The following DEPTOR variants were observed in gnomAD, a reference collection of about 807,000 sequenced individuals.
DEPTOR encodes DEP domain-containing mTOR-interacting protein.
In DEPTOR, 41 loss-of-function variants were observed where a neutral mutation model predicts 41.6. That is an observed-to-expected ratio of 0.98 (90% confidence interval 0.77 to 1.28). The LOEUF is 1.28. Among genes scored for constraint, DEPTOR ranks in the 50% most tolerant of loss-of-function variants. DEPTOR has a pLI of 0.00. For synonymous variants in DEPTOR, 195 were observed against 192.3 expected, an observed-to-expected ratio of 1.01 and a Z score of -0.12; for missense variants, 514 against 527.9, an observed-to-expected ratio of 0.97 and a Z score of 0.26.
chr8:119,950,065 T>C (rs1260676806), intron 3 of DEPTOR, among the ~76,000 whole-genome samples: 3 of 152,204 alleles, frequency 2.0e-5, no homozygotes, highest in Non-Finnish European at 4.4e-5. Flanking sequence ...AGTATGAGGT[T>C]AAGGATCCAA....
intron 1 of DEPTOR, among the ~76,000 whole-genome samples, chr8:119,916,942 AT>A (rs1298506896): frequency 1.3e-5 from 2 of 152,094 alleles, no homozygotes; most frequent in African/African-American, 2.4e-5. Flanking sequence ...TAATTTTTAA[AT>A]TTTTGTTGCT....
chr8:119,879,110 C>CAAA (rs34236042), intron 1 of DEPTOR, among the ~76,000 whole-genome samples: 1,628 of 147,358 alleles, frequency 0.011, 29 homozygotes, highest in African/African-American at 0.038. Context: ...AACTCGGTCT[C>CAAA]AAAAAAAAAA....
At chr8:120,024,131 G>A (rs957363040) in intron 8 of DEPTOR, among the ~76,000 whole-genome samples, 1 of 152,114 alleles carries the variant, frequency 6.6e-6, no homozygotes, top group African/African-American at 2.4e-5. Context: ...CAGCTACTTG[G>A]AAGACTGAGG....
chr8:119,947,551 G>A (rs1286576870), intron 3 of DEPTOR, among the ~76,000 whole-genome samples: 1 of 152,092 alleles, frequency 6.6e-6, no homozygotes, highest in African/African-American at 2.4e-5. Flanking sequence ...TAGCCAGTGG[G>A]TGAAATCATT....
Position 120,015,324 on chromosome 8 carries a change from T to C in DEPTOR, c.1101+6191T>C, listed in dbSNP as rs147940467. ...TGTTAATTTTTCAGAGAAACCTTCCTTGAATACCCTGTGATATTCCTCCCG... is the reference window on the plus strand; with the variant it reads ...TGTTAATTTTTCAGAGAAACCTTCCCTGAATACCCTGTGATATTCCTCCCG... On this transcript the variant is annotated intron_variant, in intron 8 of 8. Transcript: ENST00000286234. Among the ~76,000 whole-genome samples, 159 of 152,380 alleles carry C rather than the reference T, an allele frequency of 1.0e-3. 2 individuals carry two copies. The highest frequency in any genetic ancestry group is 3.6e-3 in the African/African-American group (150 of 41,586).
chr8:119,930,426 A>G (rs1469340430), intron 3 of DEPTOR, among the ~76,000 whole-genome samples: 2 of 152,166 alleles, frequency 1.3e-5, no homozygotes, highest in Non-Finnish European at 2.9e-5. Flanking sequence ...TAGTAGAGAC[A>G]GGGTTTCACC....
rs531827980 is a variant in DEPTOR at position 120,038,516 on chromosome 8, T to A, written c.1102-11060T>A. On this transcript the variant is annotated intron_variant, in intron 8 of 8. Transcript: ENST00000286234. ...TGAGGTGGGAGGATATAGCTTGAACTTGGGAGGCAGAGGTTTCAGTGAGCC... is the reference window on the plus strand; with the variant it reads ...TGAGGTGGGAGGATATAGCTTGAACATGGGAGGCAGAGGTTTCAGTGAGCC... Among the ~76,000 whole-genome samples, 8 of 150,090 alleles carry A rather than the reference T, an allele frequency of 5.3e-5. No individual in the cohort carries two copies. In the South Asian group the frequency reaches 1.7e-3, roughly 31 times the overall value.
At chr8:119,929,984 G>A (rs1248451302) in intron 3 of DEPTOR, 46 bp downstream of exon 3, 5 of 1,585,660 alleles carry the variant, frequency 3.2e-6, no homozygotes, top group Admixed American at 1.7e-5. Flanking sequence ...CTTATAGAAA[G>A]AAGCAGAACT....
intron 3 of DEPTOR, among the ~76,000 whole-genome samples, chr8:119,955,007 C>T (rs1375384716): frequency 6.6e-6 from 1 of 151,854 alleles, no homozygotes; most frequent in African/African-American, 2.4e-5. Context: ...TACAGGTGCC[C>T]GCCACCACAC....
chr8:119,878,345 C>T (rs1303317447), intron 1 of DEPTOR, among the ~76,000 whole-genome samples: 1 of 144,422 alleles, frequency 6.9e-6, no homozygotes, highest in East Asian at 2.2e-4. Context: ...TTTAAGACAG[C>T]ATCTTCACTT....
At chr8:119,928,004 A>G (rs918296873) in intron 1 of DEPTOR, among the ~76,000 whole-genome samples, 9 of 152,156 alleles carry the variant, frequency 5.9e-5, no homozygotes, top group African/African-American at 1.9e-4. Flanking sequence ...GTGGGCCCTG[A>G]ACAATTTGTG....
chr8:120,002,791 A>AAATATATATATAT, intron 5 of DEPTOR, among the ~76,000 whole-genome samples, 186 bp from the exon 6 acceptor site: 81 of 60,662 alleles, frequency 1.3e-3, no homozygotes, highest in Non-Finnish European at 2.1e-3. Context: ...AAAAAAAAAA[A>AAATATATATATAT]ATATATATAT....
At position 119,965,222 on chromosome 8, in the gene DEPTOR, T is replaced by C. The variant is rs187000472; in HGVS notation, c.426-10T>C. ...AGGTTTACTTTTCTTTTCCCTTTTT[T>C]TCTTCCCAGGCTGATGAGCCCTGAA... On this transcript the variant is annotated splice_polypyrimidine_tract_variant and intron_variant, in intron 3 of 8. Coordinates refer to ENST00000286234, the MANE Select transcript of DEPTOR (RefSeq NM_022783.4). The C allele has an allele frequency of 1.3e-6, 2 of 1,598,692 alleles. No individual in the cohort carries two copies. Among genetic ancestry groups the C allele is most frequent in the African/African-American group, 2.7e-5 (2 of 74,020 alleles).
In DEPTOR at chr8:119,947,105, T is replaced by C. The variant is rs374118920; in HGVS notation, c.425+17167T>C. Among the ~76,000 whole-genome samples the C allele has an allele frequency of 9.3e-4, 142 of 152,326 alleles. 6 individuals carry two copies. In the South Asian group the frequency reaches 0.029, roughly 31 times the overall value. On this transcript the variant is annotated intron_variant, in intron 3 of 8. Transcript: ENST00000286234. ...TTCACAATGATTCTGTTAAGGTAAG[T>C]ATTATTGTCCTCATTATGTACAAGA...
At chr8:119,886,464 CACACAT>C (rs59821541) in intron 1 of DEPTOR, among the ~76,000 whole-genome samples, 16 of 150,238 alleles carry the variant, frequency 1.1e-4, no homozygotes, top group East Asian at 3.9e-4. Flanking sequence ...CAGACACACA[CACACAT>C]ACACATACAC....
At position 119,928,434 on chromosome 8, in the gene DEPTOR, A is replaced by G; in HGVS notation, c.157A>G (p.Arg53Gly). 4 of 1,614,070 alleles carry G rather than the reference A, an allele frequency of 2.5e-6. No individual in the cohort carries two copies. The highest frequency in any genetic ancestry group is 2.5e-6 in the Non-Finnish European group (3 of 1,179,970). The stretch of plus-strand genomic sequence containing the variant: ...GCACGAAGAAAAGGTTATTAAAGAT[A>G]GACGTCATCATCTCAAGACCTACCC... ...RLHEEKVIKDRRHHLKTYPNC... is the reference protein window; with the variant it reads ...RLHEEKVIKDGRHHLKTYPNC... The change falls in exon 2 of 9, where the codon AGA becomes GGA. Residue 53 changes from arginine to glycine, a missense_variant. Coordinates refer to ENST00000286234, the MANE Select transcript of DEPTOR (RefSeq NM_022783.4).
chr8:119,999,029 C>T (rs1475640620), intron 4 of DEPTOR, among the ~76,000 whole-genome samples: 5 of 150,948 alleles, frequency 3.3e-5, no homozygotes, highest in South Asian at 2.1e-4. Context: ...TTTGGGAGGT[C>T]GAGGTGGGCA....
intron 1 of DEPTOR, among the ~76,000 whole-genome samples, chr8:119,880,271 A>T (rs1373821344): frequency 6.6e-6 from 1 of 152,216 alleles, no homozygotes; most frequent in East Asian, 1.9e-4. Flanking sequence ...GGCACCTATT[A>T]CCTGGTAAGG....
intron 1 of DEPTOR, among the ~76,000 whole-genome samples, chr8:119,918,934 A>AGTGTGTGTGTGTGTGTGT (rs139535526): frequency 1.7e-5 from 2 of 115,198 alleles, no homozygotes; most frequent in African/African-American, 6.9e-5. Context: ...CTATTTGCAT[A>AGTGTGTGTGTGTGTGTGT]GTGAGTGTGT....
Sources: allele counts gnomAD v4.1 joint callset (sites outside exome capture counted in the v4.1 genomes callset), GRCh38; gene constraint gnomAD v4.1.1; transcripts MANE v1.5; gene names NCBI Gene and HGNC (gene_info 2026-07-23, HGNC 2026-07-21).